The following NFIB variants were observed in gnomAD, a reference collection of about 807,000 sequenced individuals.
The protein encoded by NFIB is nuclear factor I B.
In NFIB, 11 loss-of-function variants were observed where a neutral mutation model predicts 61.5. The observed-to-expected ratio is 0.18, with a 90% CI of 0.11 to 0.30. The LOEUF is 0.30. Among genes scored for constraint, NFIB ranks in the 10% least tolerant of loss-of-function variants. The pLI is 1.00. For missense variants in NFIB, 471 were observed against 608.9 expected (o/e 0.77, Z 2.38); for synonymous variants, 260 against 216.5 (o/e 1.20, Z -1.76).
At chr9:14,266,545 C>T (rs989846215) in intron 2 of NFIB, among the ~76,000 whole-genome samples, 6 of 151,890 alleles carry the variant, frequency 4.0e-5, no homozygotes, top group African/African-American at 7.3e-5. Flanking sequence ...CAAGGAGCCA[C>T]GGTCTTGTCT....
At chr9:14,455,947 A>T in the NFIB span, among the ~76,000 whole-genome samples, 38 of 152,360 alleles carry the variant, frequency 2.5e-4, 1 homozygote, top group South Asian at 7.9e-3. Flanking sequence ...ATACAAGTTC[A>T]TTCGGAAAAT....
At chr9:14,373,336 G>T (rs778165804) in intron 1 of NFIB, among the ~76,000 whole-genome samples, 9 of 152,196 alleles carry the variant, frequency 5.9e-5, no homozygotes, top group Non-Finnish European at 1.2e-4. Context: ...ATATGCAGAT[G>T]GGAGTATAGA....
At chr9:14,520,737 A>G in the NFIB span, among the ~76,000 whole-genome samples, 1 of 152,260 alleles carries the variant, frequency 6.6e-6, no homozygotes, top group Non-Finnish European at 1.5e-5. Flanking sequence ...ATTTAGTGAG[A>G]CAGCACCTTC....
At chr9:14,434,572 A>G in the NFIB span, among the ~76,000 whole-genome samples, 5 of 152,278 alleles carry the variant, frequency 3.3e-5, no homozygotes, top group Admixed American at 2.0e-4. Context: ...TCCCTTTCAA[A>G]CTCATTGATC....
intron 3 of NFIB, among the ~76,000 whole-genome samples, chr9:14,166,871 A>G (rs1426156038): frequency 6.6e-6 from 1 of 152,044 alleles, no homozygotes; most frequent in Non-Finnish European, 1.5e-5. Flanking sequence ...GTTTTTCTTG[A>G]TATTCTTCCT....
chr9:14,462,671 T>C, the NFIB span, among the ~76,000 whole-genome samples: 47,487 of 152,066 alleles, frequency 0.31, 8,053 homozygotes, highest in East Asian at 0.45. Flanking sequence ...TTCTTATCTC[T>C]GGGTTTTAGA....
the NFIB span, among the ~76,000 whole-genome samples, chr9:14,480,563 T>C: frequency 3.8e-4 from 58 of 152,300 alleles, 2 homozygotes; most frequent in South Asian, 0.012. Flanking sequence ...CCCAAAACCT[T>C]GTCTTGGGTT....
At chr9:14,150,049 T>C (rs2042690513) in intron 5 of NFIB, 96 bp downstream of exon 5, 5 of 1,504,122 alleles carry the variant, frequency 3.3e-6, no homozygotes, top group Admixed American at 2.2e-5. Flanking sequence ...TTATTTCCCA[T>C]CTCTCTTTAC....
chr9:14,353,516 C>T (rs925823427), intron 1 of NFIB, among the ~76,000 whole-genome samples: 1 of 152,206 alleles, frequency 6.6e-6, no homozygotes, highest in Admixed American at 6.5e-5. Flanking sequence ...CAGAAAATGG[C>T]TTTAAGGCGA....
At chr9:14,512,856 G>C in the NFIB span, among the ~76,000 whole-genome samples, 2 of 141,738 alleles carry the variant, frequency 1.4e-5, no homozygotes, top group East Asian at 4.3e-4. Flanking sequence ...GCTTTCTATA[G>C]TTTTTCTTTC....
At chr9:14,242,499 GC>G (rs951027811) in intron 2 of NFIB, among the ~76,000 whole-genome samples, 7 of 152,162 alleles carry the variant, frequency 4.6e-5, no homozygotes, top group Non-Finnish European at 1.0e-4. Context: ...TGAAGTGAAA[GC>G]CAAGTTTTAC....
At chr9:14,142,611 C>G (rs1409394517) in intron 6 of NFIB, among the ~76,000 whole-genome samples, 1 of 151,588 alleles carries the variant, frequency 6.6e-6, no homozygotes, top group African/African-American at 2.4e-5. Context: ...AAAAGTACAT[C>G]AACTAGAAAT....
the NFIB span, among the ~76,000 whole-genome samples, chr9:14,507,172 T>C: frequency 6.6e-6 from 1 of 152,220 alleles, no homozygotes; most frequent in East Asian, 1.9e-4. Flanking sequence ...CAATTCCACA[T>C]AATTTTAAGG....
chr9:14,189,896 A>G (rs2047760798), intron 2 of NFIB, among the ~76,000 whole-genome samples: 1 of 151,774 alleles, frequency 6.6e-6, no homozygotes, highest in Non-Finnish European at 1.5e-5. Flanking sequence ...AATACCAATC[A>G]TAACTTTCAG....
intron 5 of NFIB, among the ~76,000 whole-genome samples, chr9:14,149,814 T>C (rs1450665278): frequency 5.3e-5 from 8 of 152,192 alleles, no homozygotes; most frequent in Non-Finnish European, 1.2e-4. Context: ...CCAGAGATCA[T>C]TGCCACAGCA....
At chr9:14,481,192 T>TGC in the NFIB span, among the ~76,000 whole-genome samples, 1 of 73,850 alleles carries the variant, frequency 1.4e-5, no homozygotes, top group Non-Finnish European at 2.3e-5. Context: ...TGTGTGTGTG[T>TGC]GTGTGTATAT....
At chr9:14,436,237 AG>A in the NFIB span, among the ~76,000 whole-genome samples, 230 of 152,356 alleles carry the variant, frequency 1.5e-3, no homozygotes, top group African/African-American at 5.3e-3. Context: ...CTGTTATAAA[AG>A]TCCCAGGCAG....
intron 2 of NFIB, among the ~76,000 whole-genome samples, chr9:14,191,431 T>C (rs58501725): frequency 0.013 from 2,031 of 152,250 alleles, 45 homozygotes; most frequent in African/African-American, 0.046. Context: ...ACTATGGTTA[T>C]TTGGGAAATG....
At chr9:14,331,558 G>C (rs777535642) in intron 1 of NFIB, among the ~76,000 whole-genome samples, 6 of 152,222 alleles carry the variant, frequency 3.9e-5, no homozygotes, top group African/African-American at 7.2e-5. Context: ...AACTTATCAA[G>C]CTGGGTAAAC....
Sources: gnomAD v4.1 joint callset for allele counts (sites outside exome capture counted in the v4.1 genomes callset) on GRCh38, gnomAD v4.1.1 for gene constraint, MANE v1.5 for transcripts, NCBI Gene and HGNC (gene_info 2026-07-23, HGNC 2026-07-21) for gene names.